Variants in RANBP1 observed in about 807,000 individuals in gnomAD.
The protein encoded by RANBP1 is RAN binding protein 1, also known as ran-specific GTPase-activating protein.
Under a neutral mutation model 31.4 loss-of-function variants are expected in RANBP1, and 16 were observed. The ratio of observed to expected loss-of-function variants is 0.51; its 90% CI spans 0.34 to 0.77. RANBP1 has a LOEUF of 0.77. RANBP1 is among the 30% of genes least tolerant of loss of function. The pLI, the probability that RANBP1 is intolerant of heterozygous loss-of-function variation, is 0.01. For missense variants in RANBP1, 265 were observed against 362.0 expected (o/e 0.73, Z 2.17); for synonymous variants, 129 against 140.5 (o/e 0.92, Z 0.58).
intron 1 of RANBP1, chr22:20,117,348 C>G: frequency 3.3e-6 from 4 of 1,203,350 alleles, no homozygotes; most frequent in Non-Finnish European, 3.1e-6. Flanking sequence ...GGAGTGCGCG[C>G]TCCTCTGGCT....
chr22:20,116,501 C>T lies in RANBP1; in HGVS notation c.246+71C>T, dbSNP rs771864612. ...CCCGGCCCTGTAGCCGCCCCAGCGC[C>T]CTCTTTCTCCACCTCCTCCAGGGCT... On this transcript the variant is annotated intron_variant, in intron 1 of 5. Coordinates refer to ENST00000430524, the MANE Select transcript of RANBP1 (RefSeq NM_001278639.2). 3.7e-6 allele frequency: 6 copies of T among 1,612,648 alleles called. No individual in the cohort carries two copies. The highest frequency in any genetic ancestry group is 5.1e-6 in the Non-Finnish European group (6 of 1,179,948).
intron 5 of RANBP1, 64 bp from the exon 6 acceptor site, chr22:20,126,888 G>T: frequency 6.4e-7 from 1 of 1,572,816 alleles, no homozygotes; most frequent in South Asian, 1.1e-5. Flanking sequence ...GACCAGCCTG[G>T]CGAGGGCCAT....
intron 1 of RANBP1, chr22:20,118,231 G>A: frequency 1.0e-6 from 1 of 1,002,532 alleles, no homozygotes; most frequent in Non-Finnish European, 1.2e-6. Flanking sequence ...ACAGTGAAGA[G>A]CAGCGAAAAG....
chr22:20,123,184 T>C (rs2050219438), intron 3 of RANBP1, among the ~76,000 whole-genome samples: 2 of 120,026 alleles, frequency 1.7e-5, no homozygotes, highest in African/African-American at 6.7e-5. Context: ...GTGTGGTGTC[T>C]GAAGGTGTGT....
chr22:20,120,760 C>T (rs2050154068), intron 2 of RANBP1, among the ~76,000 whole-genome samples: 1 of 152,228 alleles, frequency 6.6e-6, no homozygotes, highest in Non-Finnish European at 1.5e-5. Context: ...GACCCGCCCG[C>T]CTCAGCCTCC....
chr22:20,117,097 C>A (rs2050050865), intron 1 of RANBP1: 1 of 727,848 alleles, frequency 1.4e-6, no homozygotes, highest in Non-Finnish European at 2.2e-6. Flanking sequence ...GGACTCGAAC[C>A]TGCGATGCTC....
At chr22:20,126,897 A>G in intron 5 of RANBP1, 55 bp from the exon 6 acceptor site, 4 of 1,583,754 alleles carry the variant, frequency 2.5e-6, no homozygotes, top group Non-Finnish European at 3.5e-6. Context: ...GGCGAGGGCC[A>G]TGTGCTTGAA....
chr22:20,118,019 A>G (rs2050082609), intron 1 of RANBP1: 15 of 993,610 alleles, frequency 1.5e-5, no homozygotes, highest in Non-Finnish European at 1.8e-5. Flanking sequence ...CCCCACTAGT[A>G]CGGTGCATTT....
rs570524291 is a variant in RANBP1, at chr22:20,123,949, G to C, written c.542-1359G>C. Among the ~76,000 whole-genome samples, 10 of 152,200 alleles carry C rather than the reference G, an allele frequency of 6.6e-5. No homozygotes were observed. In the South Asian group the frequency reaches 2.1e-3, roughly 32 times the overall value. On this transcript the variant is annotated intron_variant, in intron 3 of 5. Transcript: ENST00000430524. Reference sequence around the variant, plus strand: ...AGGTGCAGGATGACTGCTGGCAGGAGCCTGAGTGGCTCAGCCCTTGAGGGC... The same window carrying C: ...AGGTGCAGGATGACTGCTGGCAGGACCCTGAGTGGCTCAGCCCTTGAGGGC...
intron 1 of RANBP1, chr22:20,118,418 T>A: frequency 1.1e-6 from 1 of 906,928 alleles, no homozygotes; most frequent in South Asian, 5.1e-5. Context: ...ATTTATCTAG[T>A]TATTAACTTA....
At chr22:20,117,418 C>T in intron 1 of RANBP1, 1 of 1,208,970 alleles carries the variant, frequency 8.3e-7, no homozygotes, top group Non-Finnish European at 1.0e-6. Context: ...GCGGGCCGGA[C>T]AATGAGAGTG....
chr22:20,121,237 G>T (rs1429033856), intron 2 of RANBP1, among the ~76,000 whole-genome samples: 3 of 150,820 alleles, frequency 2.0e-5, no homozygotes, highest in African/African-American at 7.3e-5. Flanking sequence ...ACAGGCGTGA[G>T]CCCCCGCGCC....
chr22:20,117,027 A>G, intron 1 of RANBP1: 1 of 1,345,818 alleles, frequency 7.4e-7, no homozygotes, highest in Non-Finnish European at 1.0e-6. Flanking sequence ...GGAGGTGCTC[A>G]CAGAGCCGGT....
At chr22:20,122,548 G>A in intron 3 of RANBP1, 127 bp downstream of exon 3, 1 of 1,565,996 alleles carries the variant, frequency 6.4e-7, no homozygotes, top group Non-Finnish European at 8.7e-7. Context: ...TGGTGTGTTT[G>A]TTGAATTTAA....
intron 2 of RANBP1, 41 bp from the exon 3 acceptor site, chr22:20,122,223 G>T: frequency 6.3e-7 from 1 of 1,597,622 alleles, no homozygotes; most frequent in Non-Finnish European, 8.6e-7. Context: ...CTGCATGTGG[G>T]CTGCAGGTCT....
rs2050012360 is a variant in RANBP1, at chr22:20,116,206, G to A, written c.22G>A (p.Ala8Thr). 1 of 1,613,016 alleles carries A rather than the reference G, an allele frequency of 6.2e-7. No homozygotes were observed. The highest frequency in any genetic ancestry group is 1.1e-5 in the South Asian group (1 of 91,084). Reference protein sequence around the residue: MGSALGRARRTLSGRPFQ... With the variant: MGSALGRTRRTLSGRPFQ... ...GGCCATGGGGTCGGCCTTGGGCCGG[G>A]CCAGGCGCACACTGAGTGGGCGGCC... Residue 8 changes from alanine (A) to threonine (T), a missense_variant, in exon 1 of 6, where the codon GCC (alanine) becomes ACC (threonine). Coordinates refer to ENST00000430524, the MANE Select transcript of RANBP1 (RefSeq NM_001278639.2).
At chr22:20,117,513 C>G in intron 1 of RANBP1, 1 of 966,524 alleles carries the variant, frequency 1.0e-6, no homozygotes, top group East Asian at 8.7e-5. Flanking sequence ...AGGTTCGGGT[C>G]GTGGGGCGGA....
intron 1 of RANBP1, chr22:20,117,048 G>C (rs918848906): frequency 1.7e-5 from 19 of 1,114,686 alleles, no homozygotes; most frequent in Admixed American, 4.8e-5. Context: ...GCAACGCCGC[G>C]AGGTCGCCGC....
chr22:20,125,244 C>A (rs1366666255), intron 3 of RANBP1, 64 bp from the exon 4 acceptor site: 2 of 1,598,100 alleles, frequency 1.3e-6, no homozygotes, highest in South Asian at 2.2e-5. Flanking sequence ...GCTCTGTGGC[C>A]GAGGGCTGGG....
Sources: allele counts gnomAD v4.1 joint callset (sites outside exome capture counted in the v4.1 genomes callset), GRCh38; gene constraint gnomAD v4.1.1; transcripts MANE v1.5; gene names NCBI Gene and HGNC (gene_info 2026-07-23, HGNC 2026-07-21).